Variants in LGALS2 observed in about 807,000 individuals in gnomAD.
The protein encoded by LGALS2 is galectin 2.
In LGALS2, 7 loss-of-function variants were observed where a neutral mutation model predicts 10.1. The observed-to-expected ratio is 0.70, with a 90% CI of 0.40 to 1.31. The LOEUF is 1.31. Ranked by LOEUF, LGALS2 falls within the 50% of genes most tolerant of loss-of-function variation. The probability of loss-of-function intolerance (pLI) is 0.01; values close to 1 mark genes in which losing one functional copy is unlikely to be tolerated. For synonymous variants in LGALS2, 86 were observed against 64.2 expected (o/e 1.34, Z -1.63); for missense variants, 167 against 163.6 (o/e 1.02, Z -0.11).
At chr22:37,571,710 G>T in intron 2 of LGALS2, 139 bp downstream of exon 2, 1 of 670,432 alleles carries the variant, frequency 1.5e-6, no homozygotes, top group Non-Finnish European at 2.7e-6. Context: ...CAGCAGGGGT[G>T]TGGGGAGAAG....
chr22:37,577,468 G>A (rs1310730669), intron 1 of LGALS2, among the ~76,000 whole-genome samples: 1 of 150,848 alleles, frequency 6.6e-6, no homozygotes, highest in Non-Finnish European at 1.5e-5. Context: ...TCCTGCCTCA[G>A]CCTCCCAAGT....
At chr22:37,573,624 G>A (rs1426197681) in intron 1 of LGALS2, among the ~76,000 whole-genome samples, 1 of 152,182 alleles carries the variant, frequency 6.6e-6, no homozygotes, top group South Asian at 2.1e-4. Flanking sequence ...GTTTTGAGAG[G>A]ATTCAAGAAC....
chr22:37,573,044 C>T (rs1171786600), intron 1 of LGALS2, among the ~76,000 whole-genome samples: 1 of 151,736 alleles, frequency 6.6e-6, no homozygotes, highest in Non-Finnish European at 1.5e-5. Context: ...AAGGCCGAGG[C>T]AGCCAGATCA....
chr22:37,580,015 G>C lies in LGALS2; in HGVS notation c.-110C>G, dbSNP rs1925803352. The C allele has an allele frequency of 8.4e-7, 1 of 1,191,878 alleles. No individual in the cohort carries two copies. The highest frequency in any genetic ancestry group is 2.4e-5 in the East Asian group (1 of 41,542). 73.8% of individuals were successfully genotyped at this position (1,191,878 alleles called of 1,614,324 possible). On this transcript the variant is annotated 5_prime_UTR_variant, in exon 1 of 4. Transcript: ENST00000215886. ...AATATTACACATTAACTCCCTCAAG[G>C]TCCTAGGTGAGGACTTTGCCCCTTC...
chr22:37,574,161 A>G (rs567828262), intron 1 of LGALS2, among the ~76,000 whole-genome samples: 1 of 152,258 alleles, frequency 6.6e-6, no homozygotes, highest in Non-Finnish European at 1.5e-5. Flanking sequence ...TCTGTACAGT[A>G]GGAGCCTCCT....
intron 1 of LGALS2, 143 bp downstream of exon 1, chr22:37,579,757 G>A: frequency 2.5e-6 from 2 of 808,838 alleles, no homozygotes; most frequent in African/African-American, 1.7e-5. Flanking sequence ...TTTAAAAAAA[G>A]ACCTCTGTCC....
At chr22:37,571,042 C>T (rs1166328531) in intron 2 of LGALS2, among the ~76,000 whole-genome samples, 2 of 152,246 alleles carry the variant, frequency 1.3e-5, no homozygotes, top group African/African-American at 4.8e-5. Flanking sequence ...TAAATTTAGC[C>T]ACCAGCAGCC....
In LGALS2 at chr22:37,570,662, T is replaced by C. The variant is rs768030350; in HGVS notation, c.163A>G (p.Ile55Val). ...CTGCCGTCCAATGAGTTGCAGACAA[T>C]GGTGGATTCGCTGAAGCGAGGGTTG... ...HFNPRFSEST[I>V]VCNSLDGSNW... Residue 55 changes from isoleucine to valine, a missense_variant, in exon 3 of 4, where the codon ATT (isoleucine) becomes GTT (valine). Physicochemically the swap from Ile to Val is conservative, Grantham distance 29. Transcript: ENST00000215886. 7 of 1,614,080 alleles carry C rather than the reference T, an allele frequency of 4.3e-6. No individual in the cohort carries two copies. The East Asian group carries it at 6.7e-5, about 15-fold the overall frequency.
At chr22:37,578,747 C>G (rs1018840425) in intron 1 of LGALS2, 2 of 151,538 alleles carry the variant, frequency 1.3e-5, no homozygotes, top group Non-Finnish European at 2.9e-5. Context: ...GTCAGGAGTT[C>G]GAGATCAGCC....
chr22:37,574,499 T>TA (rs56410387), intron 1 of LGALS2, among the ~76,000 whole-genome samples: 8,140 of 119,810 alleles, frequency 0.068, 582 homozygotes, highest in African/African-American at 0.19. Flanking sequence ...AGACTCTGTC[T>TA]AAAAAAAAAA....
At chr22:37,576,253 T>G (rs147602574) in intron 1 of LGALS2, among the ~76,000 whole-genome samples, 14 of 151,832 alleles carry the variant, frequency 9.2e-5, no homozygotes, top group Admixed American at 7.2e-4. Flanking sequence ...GAGAGTGAGA[T>G]CATCCTGGCT....
chr22:37,579,940 C>T lies in LGALS2; in HGVS notation c.-35G>A, dbSNP rs374120651. The stretch of plus-strand genomic sequence containing the variant: ...TCCTGGCGGCAGCTCCCAGCGGCTC[C>T]TGGAGGCCTGTGCTCAGGGTCTCAA... On this transcript the variant is annotated 5_prime_UTR_variant, in exon 1 of 4. Transcript: ENST00000215886. 8 of 1,611,288 alleles carry T rather than the reference C, an allele frequency of 5.0e-6. No individual in the cohort carries two copies. Among genetic ancestry groups the T allele is most frequent in the East Asian group, 2.2e-5 (1 of 44,844 alleles).
Position 37,572,022 on chromosome 22 carries a change from G to T in LGALS2, c.7-91C>A, listed in dbSNP as rs747621767. Reference sequence around the variant, plus strand: ...GCTTCATCCACCTCATGCCAACCCAGCTGCAGGTCTCAATCCCCCTGCCCA... The same window carrying T: ...GCTTCATCCACCTCATGCCAACCCATCTGCAGGTCTCAATCCCCCTGCCCA... On this transcript the variant is annotated intron_variant, in intron 1 of 3. Transcript: ENST00000215886. 10 of 1,049,262 alleles carry T rather than the reference G, an allele frequency of 9.5e-6. No homozygotes were observed. The Admixed American group carries it at 1.6e-4, about 17-fold the overall frequency. The allele number at this position is 1,049,262 out of a possible 1,614,324, so 65.0% of individuals were successfully genotyped here. A position where few individuals can be genotyped will look rare whatever the true frequency, so the allele number is the denominator to read the frequency against.
At chr22:37,575,174 C>A (rs1205110627) in intron 1 of LGALS2, among the ~76,000 whole-genome samples, 1 of 151,248 alleles carries the variant, frequency 6.6e-6, no homozygotes, top group African/African-American at 2.4e-5. Flanking sequence ...GGGTGAGATA[C>A]CACACCCAGC....
At chr22:37,575,883 C>T (rs985147637) in intron 1 of LGALS2, among the ~76,000 whole-genome samples, 2 of 152,178 alleles carry the variant, frequency 1.3e-5, no homozygotes, top group African/African-American at 4.8e-5. Flanking sequence ...GCCGTCTGGA[C>T]GTTTGGGGCA....
intron 1 of LGALS2, among the ~76,000 whole-genome samples, chr22:37,573,770 G>T (rs572305910): frequency 6.7e-6 from 1 of 150,270 alleles, no homozygotes; most frequent in Non-Finnish European, 1.5e-5. Context: ...TTGCTTTGTC[G>T]CCCAGGCTGG....
intron 1 of LGALS2, among the ~76,000 whole-genome samples, chr22:37,572,862 T>C (rs1038665552): frequency 5.3e-5 from 8 of 151,550 alleles, no homozygotes; most frequent in African/African-American, 9.7e-5. Flanking sequence ...TCCCAGCTAC[T>C]TGGGAGGCTG....
chr22:37,580,041 T>G lies in LGALS2; in HGVS notation c.-136A>C, dbSNP rs1925804111. The G allele has an allele frequency of 6.4e-6, 5 of 783,946 alleles. No individual in the cohort carries two copies. The highest frequency in any genetic ancestry group is 1.0e-5 in the Non-Finnish European group (5 of 501,208). 48.6% of individuals were successfully genotyped at this position (783,946 alleles called of 1,614,324 possible). A position where few individuals can be genotyped will look rare whatever the true frequency, so the allele number is the denominator to read the frequency against. On this transcript the variant is annotated 5_prime_UTR_variant, in exon 1 of 4. Coordinates refer to ENST00000215886, the MANE Select transcript of LGALS2 (RefSeq NM_006498.3). ...TCCTAGGTGAGGACTTTGCCCCTTCTACCTTGTGTCTCCCCGCCTGCATCT... is the reference window on the plus strand; with the variant it reads ...TCCTAGGTGAGGACTTTGCCCCTTCGACCTTGTGTCTCCCCGCCTGCATCT...
chr22:37,578,935 AAATT>A (rs1925763907), intron 1 of LGALS2: 1 of 152,268 alleles, frequency 6.6e-6, no homozygotes, highest in African/African-American at 2.4e-5. Context: ...TAAAAATACA[AAATT>A]AATCGGGTGT....
Sources: gnomAD v4.1 joint callset for allele counts (sites outside exome capture counted in the v4.1 genomes callset) on GRCh38, gnomAD v4.1.1 for gene constraint, MANE v1.5 for transcripts, NCBI Gene and HGNC (gene_info 2026-07-23, HGNC 2026-07-21) for gene names.